PRKN: variants seen among roughly 807,000 people sequenced by gnomAD.
The protein encoded by PRKN is parkin RBR E3 ubiquitin protein ligase.
PRKN carries 56 observed loss-of-function variants against 59.5 expected under a neutral mutation model. That is an observed-to-expected ratio of 0.94 (90% CI 0.76 to 1.18). The LOEUF (loss-of-function observed/expected upper bound fraction) is 1.18, where lower values mean the gene tolerates loss of function less well. Ranked by LOEUF, PRKN falls within the 50% of genes most tolerant of loss-of-function variation. The pLI is 0.00. For synonymous variants in PRKN, 250 were observed against 222.1 expected, an observed-to-expected ratio of 1.13 and a Z score of -1.12; for missense variants, 657 against 596.4, an observed-to-expected ratio of 1.10 and a Z score of -1.06.
chr6:162,425,050 A>G (rs1789166356), intron 2 of PRKN, among the ~76,000 whole-genome samples: 1 of 139,376 alleles, frequency 7.2e-6, no homozygotes, highest in African/African-American at 2.6e-5. Context: ...GACTTTCGTT[A>G]AAGGATTGAC....
chr6:162,310,205 C>T (rs150541052), intron 2 of PRKN, among the ~76,000 whole-genome samples: 1 of 152,276 alleles, frequency 6.6e-6, no homozygotes, highest in African/African-American at 2.4e-5. Context: ...ACTTAGGATA[C>T]TTCCCTCATG....
In PRKN at chr6:161,507,324, T is replaced by A. The variant is rs508605; in HGVS notation, c.1083+41530A>T. On this transcript the variant is annotated intron_variant, in intron 9 of 11. Transcript: ENST00000366898. ...TCTTTTCAGTGTGGCATTTGTAACA[T>A]TGCTCATCTCTATGAAATGGAATGA... Among the ~76,000 whole-genome samples the A allele has an allele frequency of 5.9e-5, 9 of 152,228 alleles. No homozygotes were observed. In the East Asian group the frequency reaches 1.7e-3, roughly 29 times the overall value.
At position 161,599,339 on chromosome 6, in the gene PRKN, G is replaced by T. The variant is rs1321165360; in HGVS notation, c.872-29923C>A. Among the ~76,000 whole-genome samples, 4 of 152,248 alleles carry T rather than the reference G, an allele frequency of 2.6e-5. No homozygotes were observed. The East Asian group carries it at 7.7e-4, about 29-fold the overall frequency. Reference sequence around the variant, plus strand: ...CCATCTGTCACTATATAAAATCATTGACACTCAGATGGGAGGAGACAGATC... The same window carrying T: ...CCATCTGTCACTATATAAAATCATTTACACTCAGATGGGAGGAGACAGATC... On this transcript the variant is annotated intron_variant, in intron 7 of 11. Coordinates refer to ENST00000366898, the MANE Select transcript of PRKN (RefSeq NM_004562.3).
chr6:162,315,455 C>T (rs1437185735), intron 2 of PRKN, among the ~76,000 whole-genome samples: 1 of 152,126 alleles, frequency 6.6e-6, no homozygotes, highest in African/African-American at 2.4e-5. Flanking sequence ...AGCAGGGTTG[C>T]CAGGGTAGGC....
At chr6:162,682,548 A>C (rs1218146050) in intron 1 of PRKN, among the ~76,000 whole-genome samples, 3 of 152,176 alleles carry the variant, frequency 2.0e-5, no homozygotes, top group Non-Finnish European at 4.4e-5. Context: ...AGGAAGCTAA[A>C]CATTGAATAC....
chr6:162,307,686 T>G (rs1782294869), intron 2 of PRKN, among the ~76,000 whole-genome samples: 1 of 152,128 alleles, frequency 6.6e-6, no homozygotes, highest in East Asian at 1.9e-4. Context: ...TTATCCTAAA[T>G]GATGGAGACA....
intron 1 of PRKN, among the ~76,000 whole-genome samples, chr6:162,471,727 T>A (rs1026361110): frequency 6.6e-6 from 1 of 152,240 alleles, no homozygotes; most frequent in Non-Finnish European, 1.5e-5. Flanking sequence ...CTACTTCTGT[T>A]ACTTTCACAG....
chr6:162,635,393 A>G (rs1181484766), intron 1 of PRKN, among the ~76,000 whole-genome samples: 1 of 152,204 alleles, frequency 6.6e-6, no homozygotes, highest in Non-Finnish European at 1.5e-5. Context: ...TTTGGCTTTT[A>G]GGGTGAAATC....
Position 162,054,104 on chromosome 6 carries a change from G to C in PRKN, c.605C>G (p.Pro202Arg). The C allele has an allele frequency of 6.2e-7, 1 of 1,608,262 alleles. No homozygotes were observed. Among genetic ancestry groups the C allele is most frequent in the Non-Finnish European group, 8.5e-7 (1 of 1,174,650 alleles). Residue 202 changes from proline to arginine, a missense_variant, in exon 5 of 12, where the codon CCT becomes CGT. Transcript: ENST00000366898. Reference protein sequence around the residue: ...MSGECQSPHCPGTSAEFFFKC... With the variant: ...MSGECQSPHCRGTSAEFFFKC... ...CCAGGTACTTACTGCACTAGTCCCA[G>C]GGCAGTGTGGGGATTGGCATTCACC...
At chr6:161,737,269 G>C (rs896256912) in intron 7 of PRKN, among the ~76,000 whole-genome samples, 1 of 152,140 alleles carries the variant, frequency 6.6e-6, no homozygotes, top group African/African-American at 2.4e-5. Flanking sequence ...CTAAATCAGG[G>C]GACTGCTTGA....
At chr6:162,414,709 T>TGAAAAAAAAAAAAAAAA (rs373871165) in intron 2 of PRKN, among the ~76,000 whole-genome samples, 1,008 of 44,420 alleles carry the variant, frequency 0.023, 213 homozygotes, top group Middle Eastern at 0.036. Flanking sequence ...AGACTCCGTC[T>TGAAAAAAAAAAAAAAAA]CAAAAAAAAA....
intron 1 of PRKN, among the ~76,000 whole-genome samples, chr6:162,477,404 C>T (rs749289073): frequency 1.3e-5 from 2 of 152,206 alleles, no homozygotes; most frequent in Admixed American, 1.3e-4. Context: ...GACTTACACA[C>T]TGATGCACGA....
Position 161,711,371 on chromosome 6 carries a change from T to C in PRKN, c.871+74401A>G, listed in dbSNP as rs956094454. Reference sequence around the variant, plus strand: ...TATACATTATACATGAATTAATACATATAGAAAGGTACATATATGCATTGT... The same window carrying C: ...TATACATTATACATGAATTAATACACATAGAAAGGTACATATATGCATTGT... On this transcript the variant is annotated intron_variant, in intron 7 of 11. Coordinates refer to ENST00000366898, the MANE Select transcript of PRKN (RefSeq NM_004562.3). Among the ~76,000 whole-genome samples, 3 of 152,178 alleles carry C rather than the reference T, an allele frequency of 2.0e-5. 1 individual carries two copies. The South Asian group carries it at 6.2e-4, about 32-fold the overall frequency.
At chr6:161,670,266 C>G (rs2128168635) in intron 7 of PRKN, among the ~76,000 whole-genome samples, 1 of 152,232 alleles carries the variant, frequency 6.6e-6, no homozygotes, top group African/African-American at 2.4e-5. Flanking sequence ...ACGTGATTAG[C>G]TTTGTGGGAC....
chr6:162,572,475 G>A (rs1046350276), intron 1 of PRKN, among the ~76,000 whole-genome samples: 1 of 152,140 alleles, frequency 6.6e-6, no homozygotes, highest in Non-Finnish European at 1.5e-5. Context: ...AGATAATGGA[G>A]CAGTGAAGTT....
chr6:162,014,164 G>C (rs906934819), intron 5 of PRKN, among the ~76,000 whole-genome samples: 2 of 152,040 alleles, frequency 1.3e-5, no homozygotes, highest in Admixed American at 6.6e-5. Flanking sequence ...CCATTTCTTT[G>C]ATAAAAATCA....
intron 5 of PRKN, among the ~76,000 whole-genome samples, chr6:162,017,509 A>T (rs1443580542): frequency 6.6e-6 from 1 of 152,222 alleles, no homozygotes; most frequent in Non-Finnish European, 1.5e-5. Context: ...AAATGATAGA[A>T]AATCACCACA....
At chr6:162,156,234 C>T (rs888529861) in intron 4 of PRKN, among the ~76,000 whole-genome samples, 1 of 152,098 alleles carries the variant, frequency 6.6e-6, no homozygotes, top group Admixed American at 6.6e-5. Context: ...TCCAATCGTC[C>T]AAAAGTAACA....
chr6:161,741,992 G>A (rs879710025), intron 7 of PRKN, among the ~76,000 whole-genome samples: 12 of 151,242 alleles, frequency 7.9e-5, no homozygotes, highest in Admixed American at 4.6e-4. Flanking sequence ...ATTTTGAGAC[G>A]GAGTCTTGCT....
Sources: gnomAD v4.1 joint callset for allele counts (sites outside exome capture counted in the v4.1 genomes callset) on GRCh38, gnomAD v4.1.1 for gene constraint, MANE v1.5 for transcripts, NCBI Gene and HGNC (gene_info 2026-07-23, HGNC 2026-07-21) for gene names.